The following SLC30A8 variants were observed in gnomAD, a reference collection of about 807,000 sequenced individuals.
The protein encoded by SLC30A8 is solute carrier family 30 member 8.
Under a neutral mutation model 36.9 loss-of-function variants are expected in SLC30A8, and 27 were observed. That is an observed-to-expected ratio of 0.73 (90% CI 0.54 to 1.01). The LOEUF is 1.01. Among genes scored for constraint, SLC30A8 ranks in the 50% least tolerant of loss-of-function variants. SLC30A8 has a pLI of 0.00. For missense variants in SLC30A8, 439 were observed against 452.0 expected, an observed-to-expected ratio of 0.97 and a Z score of 0.26; for synonymous variants, 164 against 172.4, an observed-to-expected ratio of 0.95 and a Z score of 0.38.
rs1822614276 is a variant in SLC30A8 at position 117,158,452 on chromosome 8, A to T, written c.572+608A>T. Among the ~76,000 whole-genome samples, 3 of 152,258 alleles carry T rather than the reference A, an allele frequency of 2.0e-5. No homozygotes were observed. In the South Asian group the frequency reaches 6.2e-4, roughly 31 times the overall value. Reference sequence around the variant, plus strand: ...AGTTTCATATATTTTAATAGAACTCATAAAAGGAAATTTATTTCCCTCAAA... The same window carrying T: ...AGTTTCATATATTTTAATAGAACTCTTAAAAGGAAATTTATTTCCCTCAAA... On this transcript the variant is annotated intron_variant, in intron 4 of 7. Transcript: ENST00000456015.
At chr8:117,064,533 A>G (rs908861864) in intron 2 of SLC30A8, among the ~76,000 whole-genome samples, 3 of 152,212 alleles carry the variant, frequency 2.0e-5, no homozygotes, top group Non-Finnish European at 4.4e-5. Flanking sequence ...CAGAGTAGAC[A>G]CAACACCAGC....
intron 2 of SLC30A8, among the ~76,000 whole-genome samples, chr8:117,101,217 C>T (rs1819703823): frequency 6.6e-6 from 1 of 152,114 alleles, no homozygotes; most frequent in Non-Finnish European, 1.5e-5. Flanking sequence ...GGAGACCTCC[C>T]AGTAAAGACA....
chr8:117,074,978 T>C (rs1161556261), intron 2 of SLC30A8, among the ~76,000 whole-genome samples: 1 of 152,168 alleles, frequency 6.6e-6, no homozygotes, highest in African/African-American at 2.4e-5. Flanking sequence ...TTTTTTTTTC[T>C]TAAATAGGTC....
At chr8:117,156,663 GCA>G (rs1313500441) in intron 3 of SLC30A8, among the ~76,000 whole-genome samples, 2 of 152,166 alleles carry the variant, frequency 1.3e-5, no homozygotes, top group Non-Finnish European at 2.9e-5. Flanking sequence ...AAATAAACTA[GCA>G]CATCAAATAT....
At chr8:117,086,180 C>G (rs1352695615) in intron 2 of SLC30A8, among the ~76,000 whole-genome samples, 4 of 152,196 alleles carry the variant, frequency 2.6e-5, no homozygotes, top group Non-Finnish European at 5.9e-5. Context: ...CAATCAAGCT[C>G]TTTCATGTCT....
intron 2 of SLC30A8, among the ~76,000 whole-genome samples, chr8:117,049,471 A>C (rs1817644575): frequency 6.6e-6 from 1 of 152,238 alleles, no homozygotes; most frequent in Non-Finnish European, 1.5e-5. Flanking sequence ...AGCCTTTAAA[A>C]GTCTCCTTTC....
In SLC30A8 at chr8:117,135,019, TAGAA is replaced by T. The variant is rs376871702; in HGVS notation, c.-306_-303del. 1.8e-4 allele frequency: 39 copies of T among 213,626 alleles called. No homozygotes were observed. The East Asian group carries it at 3.6e-3, about 20-fold the overall frequency. 13.2% of individuals were successfully genotyped at this position (213,626 alleles called of 1,614,324 possible). ...CAAGCTCTTGAGCTCCTCTACCTCT[TAGAA>T]AGCACAATTGAATCAGATATCATAT... is the stretch of plus-strand genomic sequence containing the variant. On this transcript the variant is annotated 5_prime_UTR_variant, in exon 1 of 8. Transcript: ENST00000456015.
rs565921276 is a variant in SLC30A8 at position 117,176,326 on chromosome 8, G to C, written c.*3645G>C. 1 of 152,578 alleles carries C rather than the reference G, an allele frequency of 6.6e-6. No individual in the cohort carries two copies. The highest frequency in any genetic ancestry group is 2.4e-5 in the African/African-American group (1 of 41,546). The allele number at this position is 152,578 out of a possible 1,614,324, so 9.5% of individuals were successfully genotyped here. ...AATATGATCCAGAGAGTCTTGCAAA[G>C]AGACAAGCCTCATTTTCCACAATTA... On this transcript the variant is annotated 3_prime_UTR_variant, in exon 8 of 8. Coordinates refer to ENST00000456015, the MANE Select transcript of SLC30A8 (RefSeq NM_173851.3).
chr8:117,047,776 G>A (rs930551027), intron 2 of SLC30A8, among the ~76,000 whole-genome samples: 1 of 152,168 alleles, frequency 6.6e-6, no homozygotes, highest in African/African-American at 2.4e-5. Context: ...GTCACAGGAT[G>A]AGACAGGAGG....
At chr8:117,162,890 C>CT (rs1348420903) in intron 5 of SLC30A8, among the ~76,000 whole-genome samples, 1 of 152,172 alleles carries the variant, frequency 6.6e-6, no homozygotes, top group Non-Finnish European at 1.5e-5. Context: ...TGGTTCACAC[C>CT]TTTAAGACTG....
rs1403613839 is a variant in SLC30A8 at position 117,172,713 on chromosome 8, C to T, written c.*32C>T. On this transcript the variant is annotated 3_prime_UTR_variant, in exon 8 of 8. Transcript: ENST00000456015. Reference sequence around the variant, plus strand: ...CACACCGTCAGTTTCCCAAATTTGACAGGCCACCTTCAAACATGCTGCTAT... The same window carrying T: ...CACACCGTCAGTTTCCCAAATTTGATAGGCCACCTTCAAACATGCTGCTAT... 1.9e-6 allele frequency: 3 copies of T among 1,611,826 alleles called. No individual in the cohort carries two copies. The highest frequency in any genetic ancestry group is 1.7e-5 in the Admixed American group (1 of 59,882).
chr8:117,108,445 A>G (rs1163548927), intron 2 of SLC30A8, among the ~76,000 whole-genome samples: 1 of 152,200 alleles, frequency 6.6e-6, no homozygotes, highest in Non-Finnish European at 1.5e-5. Context: ...GGCTCCAAAG[A>G]GTGACTTGCC....
intron 5 of SLC30A8, among the ~76,000 whole-genome samples, chr8:117,162,440 C>T (rs1822840154): frequency 6.6e-6 from 1 of 151,968 alleles, no homozygotes; most frequent in African/African-American, 2.4e-5. Context: ...AACTTCTCCC[C>T]CAGAAGCCAA....
At chr8:117,118,187 A>C (rs1203973396) in intron 2 of SLC30A8, among the ~76,000 whole-genome samples, 2 of 151,132 alleles carry the variant, frequency 1.3e-5, no homozygotes, top group African/African-American at 4.8e-5. Flanking sequence ...AAAAAAAAAA[A>C]AAAAAACCAA....
Position 117,097,412 on chromosome 8 carries a change from A to ATATATAT in SLC30A8, c.-225-37868_-225-37867insTATATAT, listed in dbSNP as rs1290246133. Among the ~76,000 whole-genome samples, 57 of 120,458 alleles carry ATATATAT rather than the reference A, an allele frequency of 4.7e-4. 1 individual carries two copies. Among genetic ancestry groups the ATATATAT allele is most frequent in the African/African-American group, 1.9e-3 (53 of 27,980 alleles). The allele number at this position is 120,458 out of a possible 152,430, so 79.0% of individuals were successfully genotyped here. On this transcript the variant is annotated intron_variant, in intron 2 of 10. Transcript: ENST00000427715. ...ACTCCATCTCAAAAAAAAAAAAAAA[A>ATATATAT]AAAAAAATATATATAAATATATATA... is the stretch of plus-strand genomic sequence containing the variant.
chr8:117,088,255 C>T (rs1258171052), intron 2 of SLC30A8, among the ~76,000 whole-genome samples: 1 of 152,118 alleles, frequency 6.6e-6, no homozygotes, highest in Non-Finnish European at 1.5e-5. Context: ...GCAACATTCC[C>T]CTCTACTATA....
intron 1 of SLC30A8, among the ~76,000 whole-genome samples, chr8:117,013,439 C>G (rs1330694042): frequency 2.0e-5 from 3 of 152,132 alleles, no homozygotes; most frequent in Non-Finnish European, 4.4e-5. Flanking sequence ...GAAATGTTAT[C>G]AAATCATCTA....
intron 2 of SLC30A8, among the ~76,000 whole-genome samples, chr8:117,107,235 G>T (rs529131807): frequency 6.6e-6 from 1 of 152,112 alleles, no homozygotes; most frequent in South Asian, 2.1e-4. Context: ...CCAATAACAG[G>T]ATGTCATATT....
chr8:117,017,348 G>A (rs1235563627), intron 1 of SLC30A8, among the ~76,000 whole-genome samples: 1 of 152,148 alleles, frequency 6.6e-6, no homozygotes, highest in Admixed American at 6.5e-5. Flanking sequence ...AGTTTCTGAA[G>A]TTGCCAAATA....
Sources: gnomAD v4.1 joint callset for allele counts (sites outside exome capture counted in the v4.1 genomes callset) on GRCh38, gnomAD v4.1.1 for gene constraint, MANE v1.5 for transcripts, NCBI Gene and HGNC (gene_info 2026-07-23, HGNC 2026-07-21) for gene names.